Variants in COL22A1 observed in about 807,000 individuals in gnomAD.
The protein encoded by COL22A1 is collagen alpha-1(XXII) chain.
A neutral mutation model predicts 248.9 loss-of-function variants in COL22A1; 221 were observed. The ratio of observed to expected loss-of-function variants is 0.89; its 90% confidence interval spans 0.80 to 0.99. COL22A1 has a LOEUF of 0.99. Ranked by LOEUF, COL22A1 falls within the 50% of genes least tolerant of loss-of-function variation. The probability of loss-of-function intolerance (pLI) is 0.00; values close to 1 mark genes in which losing one functional copy is unlikely to be tolerated. For synonymous variants in COL22A1, 891 were observed against 793.4 expected (o/e 1.12, Z -2.07); for missense variants, 2,240 against 2,179.0 (o/e 1.03, Z -0.56).
chr8:138,647,576 G>GTTC (rs1482425023), intron 46 of COL22A1, among the ~76,000 whole-genome samples: 1 of 152,154 alleles, frequency 6.6e-6, no homozygotes, highest in East Asian at 1.9e-4. Flanking sequence ...CACATTGCAT[G>GTTC]TTCTTTATAG....
intron 1 of COL22A1, among the ~76,000 whole-genome samples, chr8:138,886,741 C>T (rs1341134500): frequency 2.6e-5 from 4 of 152,154 alleles, no homozygotes; most frequent in Non-Finnish European, 1.5e-5. Flanking sequence ...TCCTCACGTT[C>T]ATGCTATGAG....
intron 16 of COL22A1, 72 bp from the exon 17 acceptor site, chr8:138,762,538 C>A: frequency 7.8e-6 from 11 of 1,415,436 alleles, no homozygotes; most frequent in Non-Finnish European, 1.1e-5. Context: ...CACATCCCCA[C>A]AGTGACCGTC....
At chr8:138,712,451 G>A (rs1051707919) in intron 30 of COL22A1, among the ~76,000 whole-genome samples, 3 of 152,122 alleles carry the variant, frequency 2.0e-5, no homozygotes, top group Non-Finnish European at 4.4e-5. Flanking sequence ...GTCCATGCCT[G>A]TACCCCCTTT....
chr8:138,595,176 G>C (rs1817420766), intron 62 of COL22A1, among the ~76,000 whole-genome samples: 1 of 152,130 alleles, frequency 6.6e-6, no homozygotes, highest in Non-Finnish European at 1.5e-5. Context: ...TGACTGCCTG[G>C]TTGATCACTT....
chr8:138,833,185 G>A (rs1472024037), intron 4 of COL22A1, 35 bp from the exon 5 acceptor site: 1 of 1,442,480 alleles, frequency 6.9e-7, no homozygotes. Flanking sequence ...TGAGTTTGGA[G>A]AAGGAAGAGT....
chr8:138,691,855 CGTGCGTGT>C (rs1826974732), intron 35 of COL22A1, among the ~76,000 whole-genome samples: 1 of 25,882 alleles, frequency 3.9e-5, no homozygotes, highest in Non-Finnish European at 7.5e-5. Flanking sequence ...TGTGTGTGCA[CGTGCGTGT>C]GTGCATGTTT....
intron 1 of COL22A1, among the ~76,000 whole-genome samples, chr8:138,911,567 G>T (rs1815453529): frequency 6.6e-6 from 1 of 152,176 alleles, no homozygotes; most frequent in Non-Finnish European, 1.5e-5. Flanking sequence ...TAAAGGGGAT[G>T]GCTAATCCTC....
chr8:138,875,809 C>G (rs911658083), intron 3 of COL22A1, among the ~76,000 whole-genome samples: 4 of 152,150 alleles, frequency 2.6e-5, no homozygotes, highest in African/African-American at 9.7e-5. Context: ...AAGAGAGAAT[C>G]CTTATCCTAT....
At chr8:138,889,874 T>C (rs917528902) in intron 1 of COL22A1, among the ~76,000 whole-genome samples, 2 of 152,222 alleles carry the variant, frequency 1.3e-5, no homozygotes, top group Non-Finnish European at 2.9e-5. Flanking sequence ...ATCAATGTTG[T>C]AATCTCCAAG....
intron 3 of COL22A1, among the ~76,000 whole-genome samples, chr8:138,859,412 T>A (rs1220116258): frequency 2.6e-5 from 4 of 152,162 alleles, no homozygotes; most frequent in Non-Finnish European, 4.4e-5. Context: ...GAACGGGATA[T>A]GGCTGCCCAT....
At chr8:138,808,865 A>G (rs962210463) in intron 9 of COL22A1, among the ~76,000 whole-genome samples, 1 of 152,220 alleles carries the variant, frequency 6.6e-6, no homozygotes, top group African/African-American at 2.4e-5. Flanking sequence ...CGCCCACAAG[A>G]GTGCCTGGTA....
In COL22A1 at chr8:138,716,268, C is replaced by T. The variant is rs2131096290; in HGVS notation, c.2422G>A (p.Ala808Thr). 1 of 1,592,916 alleles carries T rather than the reference C, an allele frequency of 6.3e-7. No individual in the cohort carries two copies. The highest frequency in any genetic ancestry group is 2.2e-5 in the East Asian group (1 of 44,454). Residue 808 changes from alanine (A) to threonine (T), a missense_variant, in exon 29 of 65, where the codon GCT becomes ACT. Ala to Thr is a moderately conservative substitution (Grantham distance 58). Transcript: ENST00000303045. ...GEKGEAGLPGAPGFPGVRGEK... is the reference protein window; with the variant it reads ...GEKGEAGLPGTPGFPGVRGEK... ...CCTCTCACACCTGGGAAGCCTGGAG[C>T]CCCTGGGAGGCCTGCTTCTCCCTGT...
intron 3 of COL22A1, among the ~76,000 whole-genome samples, chr8:138,871,424 A>G (rs542860014): frequency 2.6e-5 from 4 of 152,314 alleles, no homozygotes; most frequent in Non-Finnish European, 4.4e-5. Context: ...CAGCCTATCA[A>G]TCTTGGCTTG....
intron 25 of COL22A1, among the ~76,000 whole-genome samples, chr8:138,723,793 C>T (rs1830088748): frequency 6.6e-6 from 1 of 152,216 alleles, no homozygotes; most frequent in African/African-American, 2.4e-5. Context: ...AGCAACAGAG[C>T]TGGGGAGGAC....
At chr8:138,753,884 T>C (rs776236618) in intron 21 of COL22A1, among the ~76,000 whole-genome samples, 1 of 152,238 alleles carries the variant, frequency 6.6e-6, no homozygotes, top group Non-Finnish European at 1.5e-5. Flanking sequence ...TTTAGCTTCT[T>C]CTTCTGTAAT....
In COL22A1 at chr8:138,627,296, A is replaced by T. The variant is rs193168923; in HGVS notation, c.3664-1053T>A. Among the ~76,000 whole-genome samples, 61 of 152,342 alleles carry T rather than the reference A, an allele frequency of 4.0e-4. No homozygotes were observed. In the East Asian group the frequency reaches 0.01, roughly 26 times the overall value. The stretch of plus-strand genomic sequence containing the variant: ...CCTAATGTGGAAACACCAGTGATCT[A>T]GGACTGGAGTCAGCAAACTTCAGCC... On this transcript the variant is annotated intron_variant, in intron 50 of 64. Coordinates refer to ENST00000303045, the MANE Select transcript of COL22A1 (RefSeq NM_152888.3).
intron 41 of COL22A1, among the ~76,000 whole-genome samples, chr8:138,671,616 T>G (rs1825036173): frequency 6.6e-6 from 1 of 152,222 alleles, no homozygotes; most frequent in Admixed American, 6.5e-5. Context: ...TGCAATACTG[T>G]AAACACTGAA....
rs754913537 is a variant in COL22A1, at chr8:138,821,188, A to T, written c.1193T>A (p.Ile398Asn). The T allele has an allele frequency of 1.2e-6, 2 of 1,614,168 alleles. No individual in the cohort carries two copies. The highest frequency in any genetic ancestry group is 1.1e-5 in the South Asian group (1 of 91,082). ...LPIEERENID[I>N]QGKTVIGKRL... is the part of the protein sequence containing the mutation. ...CTTGCCAATCACAGTCTTGCCCTGG[A>T]TGTCAATGTTCTCCCGTTCCTCGAT... Residue 398 changes from isoleucine (I) to asparagine (N), a missense_variant, in exon 7 of 65, where the codon ATC (isoleucine) becomes AAC (asparagine). Ile to Asn is a moderately radical substitution (Grantham distance 149). Coordinates refer to ENST00000303045, the MANE Select transcript of COL22A1 (RefSeq NM_152888.3).
intron 5 of COL22A1, 91 bp downstream of exon 5, chr8:138,832,948 C>G: frequency 1.2e-6 from 1 of 821,930 alleles, no homozygotes; most frequent in Non-Finnish European, 2.1e-6. Context: ...AAGCCCGGCT[C>G]GGTGCCAAGT....
Sources: allele counts gnomAD v4.1 joint callset (sites outside exome capture counted in the v4.1 genomes callset), GRCh38; gene constraint gnomAD v4.1.1; transcripts MANE v1.5; gene names NCBI Gene and HGNC (gene_info 2026-07-23, HGNC 2026-07-21).